SWT1: variants seen among roughly 807,000 people sequenced by gnomAD.
SWT1 encodes the protein transcriptional protein SWT1.
Under a neutral mutation model 107.3 loss-of-function variants are expected in SWT1, and 33 were observed. The ratio of observed to expected loss-of-function variants is 0.31; its 90% CI spans 0.23 to 0.41. The LOEUF (loss-of-function observed/expected upper bound fraction) is 0.41, where lower values mean the gene tolerates loss of function less well. Among genes scored for constraint, SWT1 ranks in the 10% least tolerant of loss-of-function variants. The pLI is 1.00. For missense variants in SWT1, 898 were observed against 1,028.9 expected (o/e 0.87, Z 1.74); for synonymous variants, 345 against 348.3 (o/e 0.99, Z 0.11).
At chr1:185,235,293 A>G (rs140666453) in intron 16 of SWT1, among the ~76,000 whole-genome samples, 96 of 152,370 alleles carry the variant, frequency 6.3e-4, no homozygotes, top group Middle Eastern at 3.4e-3. Context: ...TCCCTGATGA[A>G]CATCAATGCG....
chr1:185,257,718 G>A (rs1402964632), intron 16 of SWT1, among the ~76,000 whole-genome samples: 2 of 152,260 alleles, frequency 1.3e-5, no homozygotes, highest in Non-Finnish European at 2.9e-5. Context: ...ATCTCAGATG[G>A]AAATGCAGAA....
At chr1:185,191,747 T>A (rs1051686172) in intron 10 of SWT1, among the ~76,000 whole-genome samples, 1 of 152,176 alleles carries the variant, frequency 6.6e-6, no homozygotes, top group African/African-American at 2.4e-5. Context: ...ATTCGAGAAG[T>A]AATTCTTTGT....
At chr1:185,158,198 A>T (rs1653800795) in intron 1 of SWT1, among the ~76,000 whole-genome samples, 1 of 152,120 alleles carries the variant, frequency 6.6e-6, no homozygotes, top group African/African-American at 2.4e-5. Context: ...TAGCATGATT[A>T]TTTGGCACTT....
chr1:185,202,955 T>G (rs900370586), intron 11 of SWT1, among the ~76,000 whole-genome samples, 156 bp downstream of exon 11: 11 of 152,226 alleles, frequency 7.2e-5, no homozygotes, highest in African/African-American at 2.7e-4. Context: ...TAAATGGAAG[T>G]TATGATGGTA....
intron 6 of SWT1, among the ~76,000 whole-genome samples, chr1:185,180,845 A>G (rs1483364321): frequency 1.3e-5 from 2 of 152,254 alleles, no homozygotes; most frequent in Non-Finnish European, 2.9e-5. Flanking sequence ...ATGAGAGTAC[A>G]TGAGTGTTTA....
At chr1:185,197,507 G>A (rs1657498744) in intron 10 of SWT1, among the ~76,000 whole-genome samples, 1 of 152,108 alleles carries the variant, frequency 6.6e-6, no homozygotes, top group Non-Finnish European at 1.5e-5. Flanking sequence ...TTTTTCTATT[G>A]TTTGTAATAG....
chr1:185,195,795 CT>C (rs1427269194), intron 10 of SWT1, among the ~76,000 whole-genome samples: 1 of 152,192 alleles, frequency 6.6e-6, no homozygotes, highest in Non-Finnish European at 1.5e-5. Context: ...TAAATGTCTT[CT>C]TTTAAGAAGT....
chr1:185,199,574 C>T (rs1227833075), intron 10 of SWT1, among the ~76,000 whole-genome samples: 1 of 152,200 alleles, frequency 6.6e-6, no homozygotes, highest in African/African-American at 2.4e-5. Flanking sequence ...TATTGGCCCC[C>T]ACTCTCTTCT....
At chr1:185,257,651 C>G (rs11808167) in intron 16 of SWT1, among the ~76,000 whole-genome samples, 135 of 152,340 alleles carry the variant, frequency 8.9e-4, no homozygotes, top group African/African-American at 3.1e-3. Context: ...GCACATGGTG[C>G]GCGCACCCAC....
chr1:185,221,179 C>G (rs1355661497), intron 14 of SWT1, among the ~76,000 whole-genome samples: 1 of 152,154 alleles, frequency 6.6e-6, no homozygotes, highest in Non-Finnish European at 1.5e-5. Context: ...TCCCTCACTC[C>G]CTGGATCTAG....
intron 9 of SWT1, among the ~76,000 whole-genome samples, chr1:185,186,454 A>G (rs1284429414): frequency 6.6e-6 from 1 of 152,214 alleles, no homozygotes; most frequent in African/African-American, 2.4e-5. Flanking sequence ...GCAGTGATTT[A>G]TATAAATAGT....
intron 18 of SWT1, among the ~76,000 whole-genome samples, chr1:185,282,860 T>C (rs1168715692): frequency 6.6e-6 from 1 of 152,000 alleles, no homozygotes; most frequent in Non-Finnish European, 1.5e-5. Context: ...TATGAGAGTA[T>C]AGTAGGAAAC....
chr1:185,232,031 A>AT (rs985376284), intron 16 of SWT1, among the ~76,000 whole-genome samples: 1 of 151,724 alleles, frequency 6.6e-6, no homozygotes, highest in Non-Finnish European at 1.5e-5. Context: ...TTTTCAAAAA[A>AT]TTTTTTTTTC....
At chr1:185,230,804 G>C (rs1024491116) in intron 15 of SWT1, among the ~76,000 whole-genome samples, 6 of 152,104 alleles carry the variant, frequency 3.9e-5, no homozygotes, top group East Asian at 1.9e-4. Context: ...CTGGAATGCA[G>C]TGGCACGATG....
At chr1:185,277,901 A>G (rs1571696685) in intron 18 of SWT1, among the ~76,000 whole-genome samples, 2 of 152,216 alleles carry the variant, frequency 1.3e-5, no homozygotes, top group African/African-American at 4.8e-5. Context: ...ATCACACTAT[A>G]TACTTTTTTT....
chr1:185,235,217 G>A (rs1660779008), intron 16 of SWT1, among the ~76,000 whole-genome samples: 1 of 152,130 alleles, frequency 6.6e-6, no homozygotes, highest in African/African-American at 2.4e-5. Context: ...CATTTTATGA[G>A]GCCAGCATCA....
chr1:185,206,555 T>C (rs1333262034), intron 12 of SWT1, 70 bp from the exon 13 acceptor site: 2 of 947,790 alleles, frequency 2.1e-6, no homozygotes, highest in African/African-American at 3.4e-5. Flanking sequence ...TAGGAATTCC[T>C]AAATAGGTAC....
Position 185,269,123 on chromosome 1 carries a change from A to T in SWT1, c.2442-2200A>T, listed in dbSNP as rs1036313366. ...CGCCTCAGCCTCCCAAAGTGCTGGGATAACAGGCGTGAGCCACCGCGCCTG... is the reference window on the plus strand; with the variant it reads ...CGCCTCAGCCTCCCAAAGTGCTGGGTTAACAGGCGTGAGCCACCGCGCCTG... On this transcript the variant is annotated intron_variant, in intron 16 of 18. Coordinates refer to ENST00000367500, the MANE Select transcript of SWT1 (RefSeq NM_017673.7). Among the ~76,000 whole-genome samples the T allele has an allele frequency of 5.3e-5, 8 of 152,272 alleles. 1 individual carries two copies. In the South Asian group the frequency reaches 1.7e-3, roughly 32 times the overall value.
intron 16 of SWT1, 31 bp from the exon 17 acceptor site, chr1:185,271,292 T>TC (rs770382217): frequency 2.2e-4 from 255 of 1,163,626 alleles, no homozygotes; most frequent in South Asian, 1.7e-3. Context: ...AATCATTTAT[T>TC]CCCCCCCTTT....
Sources: allele counts gnomAD v4.1 joint callset (sites outside exome capture counted in the v4.1 genomes callset), GRCh38; gene constraint gnomAD v4.1.1; transcripts MANE v1.5; gene names NCBI Gene and HGNC (gene_info 2026-07-23, HGNC 2026-07-21).